The following KDM2A variants were observed in gnomAD, a reference collection of about 807,000 sequenced individuals.
The protein encoded by KDM2A is lysine demethylase 2A.
Under a neutral mutation model 137.3 loss-of-function variants are expected in KDM2A, and 3 were observed. The ratio of observed to expected loss-of-function variants is 0.02; its 90% CI spans 0.01 to 0.06. The LOEUF is 0.06. Among genes scored for constraint, KDM2A ranks in the 10% least tolerant of loss-of-function variants. The probability of loss-of-function intolerance (pLI) is 1.00; values close to 1 mark genes in which losing one functional copy is unlikely to be tolerated. For missense variants in KDM2A, 738 were observed against 1,510.6 expected, an observed-to-expected ratio of 0.49 and a Z score of 8.48; for synonymous variants, 512 against 541.5, an observed-to-expected ratio of 0.95 and a Z score of 0.76.
At chr11:67,159,925 G>A (rs1404399704) in intron 2 of KDM2A, among the ~76,000 whole-genome samples, 1 of 152,110 alleles carries the variant, frequency 6.6e-6, no homozygotes, top group African/African-American at 2.4e-5. Flanking sequence ...AAAAAATTCG[G>A]GAGATGGATA....
Position 67,240,017 on chromosome 11 carries a change from C to G in KDM2A, c.1480-2992C>G, listed in dbSNP as rs1858979421. On this transcript the variant is annotated intron_variant, in intron 12 of 20. Transcript: ENST00000529006. ...GGGCCCTCTGCCTGGCTCGCTCACT[C>G]TCGCTCGGCTCCCCCTCCTGCCATC... 4 of 1,294,266 alleles carry G rather than the reference C, an allele frequency of 3.1e-6. No homozygotes were observed. The African/African-American group carries it at 4.5e-5, about 15-fold the overall frequency. 80.2% of individuals were successfully genotyped at this position (1,294,266 alleles called of 1,614,324 possible).
chr11:67,233,019 C>T (rs1858763066), intron 12 of KDM2A, among the ~76,000 whole-genome samples: 1 of 152,002 alleles, frequency 6.6e-6, no homozygotes, highest in African/African-American at 2.4e-5. Context: ...CTTGAGCTAT[C>T]TAAACTGGAG....
At chr11:67,121,531 GTTTTATA>G (rs1267500858) in intron 2 of KDM2A, among the ~76,000 whole-genome samples, 173 bp downstream of exon 2, 3 of 152,152 alleles carry the variant, frequency 2.0e-5, no homozygotes, top group African/African-American at 7.2e-5. Context: ...GGCCAAACAT[GTTTTATA>G]TTTTATATAT....
At chr11:67,160,096 C>A (rs1856601718) in intron 2 of KDM2A, among the ~76,000 whole-genome samples, 1 of 152,136 alleles carries the variant, frequency 6.6e-6, no homozygotes, top group South Asian at 2.1e-4. Context: ...ACTGCCTCTT[C>A]CCTGATAATT....
chr11:67,161,673 G>C (rs1034293311), intron 2 of KDM2A, among the ~76,000 whole-genome samples: 5 of 152,096 alleles, frequency 3.3e-5, no homozygotes, highest in Admixed American at 6.6e-5. Flanking sequence ...CTGGAAAAGT[G>C]GTTCTCAACA....
At chr11:67,134,913 A>T (rs984157650) in intron 2 of KDM2A, among the ~76,000 whole-genome samples, 30 of 152,080 alleles carry the variant, frequency 2.0e-4, no homozygotes, top group Admixed American at 9.8e-4. Flanking sequence ...CTGTTGTTGA[A>T]TTTTCACAAA....
chr11:67,236,386 T>TC (rs1858873458), intron 12 of KDM2A, among the ~76,000 whole-genome samples: 1 of 152,178 alleles, frequency 6.6e-6, no homozygotes, highest in South Asian at 2.1e-4. Flanking sequence ...TGTCTAGGCC[T>TC]CCCAGAGTGC....
chr11:67,192,842 G>A (rs913932595), intron 5 of KDM2A, among the ~76,000 whole-genome samples: 2 of 152,092 alleles, frequency 1.3e-5, no homozygotes, highest in East Asian at 1.9e-4. Flanking sequence ...CTAGAAGTGG[G>A]CCAAAGAGTA....
intron 12 of KDM2A, among the ~76,000 whole-genome samples, chr11:67,239,397 AGATGTAGTT>A (rs1858960172): frequency 6.6e-6 from 1 of 152,162 alleles, no homozygotes. Context: ...CATCTGTTTT[AGATGTAGTT>A]GATGTTAGCC....
At chr11:67,172,168 T>C (rs559274923) in intron 2 of KDM2A, among the ~76,000 whole-genome samples, 8 of 152,238 alleles carry the variant, frequency 5.3e-5, no homozygotes, top group Non-Finnish European at 1.0e-4. Flanking sequence ...ATATTTTTTT[T>C]TTGTAGAGGC....
intron 12 of KDM2A, among the ~76,000 whole-genome samples, chr11:67,235,590 C>T (rs992028886): frequency 1.1e-4 from 17 of 149,522 alleles, no homozygotes; most frequent in Non-Finnish European, 1.6e-4. Context: ...GGCGTGACAC[C>T]GCGCCCGGCT....
intron 12 of KDM2A, chr11:67,240,157 C>T (rs1858985381): frequency 1.4e-6 from 2 of 1,472,262 alleles, no homozygotes; most frequent in Non-Finnish European, 9.0e-7. Flanking sequence ...GAGCGCTGCA[C>T]GCTGCTCCCT....
chr11:67,243,653 A>G (rs1859115495), intron 13 of KDM2A: 1 of 152,310 alleles, frequency 6.6e-6, no homozygotes, highest in Non-Finnish European at 1.5e-5. Context: ...GTCTGTACCA[A>G]AAATACAAAA....
At chr11:67,247,998 T>C (rs77207917) in intron 15 of KDM2A, among the ~76,000 whole-genome samples, 2,853 of 152,312 alleles carry the variant, frequency 0.019, 89 homozygotes, top group African/African-American at 0.065. Flanking sequence ...TATTAGTTCC[T>C]GAGGGAAAGT....
intron 2 of KDM2A, 82 bp downstream of exon 2, chr11:67,121,440 A>G: frequency 7.2e-7 from 1 of 1,379,440 alleles, no homozygotes. Flanking sequence ...TATACTGTGA[A>G]TCTGTGATTA....
intron 2 of KDM2A, among the ~76,000 whole-genome samples, chr11:67,142,580 T>TTGGGGG (rs2136296068): frequency 4.9e-5 from 4 of 81,704 alleles, no homozygotes; most frequent in South Asian, 4.4e-4. Flanking sequence ...GGGGTTGGGG[T>TTGGGGG]TGGGGTTGGG....
chr11:67,125,469 A>G (rs914970374), intron 2 of KDM2A, among the ~76,000 whole-genome samples: 1 of 151,908 alleles, frequency 6.6e-6, no homozygotes, highest in Admixed American at 6.6e-5. Flanking sequence ...GGGAAAAAAA[A>G]ATCAGAAATA....
At chr11:67,122,051 A>G (rs1331729962) in intron 2 of KDM2A, among the ~76,000 whole-genome samples, 1 of 152,156 alleles carries the variant, frequency 6.6e-6, no homozygotes, top group Non-Finnish European at 1.5e-5. Flanking sequence ...TTAAGAATTC[A>G]ATTTTTGTTT....
In KDM2A at chr11:67,245,179, C is replaced by G; in HGVS notation, c.1564-10C>G. 6.2e-7 allele frequency: 1 copy of G among 1,611,716 alleles called. No individual in the cohort carries two copies. The highest frequency in any genetic ancestry group is 8.5e-7 in the Non-Finnish European group (1 of 1,178,388). On this transcript the variant is annotated splice_polypyrimidine_tract_variant and intron_variant, in intron 13 of 20. Transcript: ENST00000529006. This position sits in a 1 kb window ranked among gnomAD's most constrained non-coding sequence, Gnocchi z 4.1. ...CTGATATATTTGACCTCACTGCTTT[C>G]TCTTTCCAGCTTAAATTCCCCACTC...
Sources: gnomAD v4.1 joint callset for allele counts (sites outside exome capture counted in the v4.1 genomes callset) on GRCh38, gnomAD v4.1.1 for gene constraint, Gnocchi (gnomAD v3.1) non-coding constraint, MANE v1.5 for transcripts, NCBI Gene and HGNC (gene_info 2026-07-23, HGNC 2026-07-21) for gene names.